The following RERE variants were observed in gnomAD, a reference collection of about 807,000 sequenced individuals.
The protein encoded by RERE is arginine-glutamic acid dipeptide repeats protein.
In RERE, 40 loss-of-function variants were observed where a neutral mutation model predicts 146.1. The observed-to-expected ratio is 0.27, with a 90% CI of 0.21 to 0.36. The LOEUF is 0.36. RERE is among the 10% of genes least tolerant of loss of function. The pLI, the probability that RERE is intolerant of heterozygous loss-of-function variation, is 1.00. For synonymous variants in RERE, 1,003 were observed against 866.0 expected (o/e 1.16, Z -2.78); for missense variants, 1,933 against 2,138.7 (o/e 0.90, Z 1.90).
At chr1:8,557,037 GAAA>G in intron 5 of RERE, among the ~76,000 whole-genome samples, 1 of 136,482 alleles carries the variant, frequency 7.3e-6, no homozygotes, top group South Asian at 2.3e-4. Context: ...TTCAAAGAAG[GAAA>G]AAAAAAAAAC....
intron 10 of RERE, among the ~76,000 whole-genome samples, chr1:8,479,852 G>T (rs182407333): frequency 3.3e-4 from 50 of 152,122 alleles, no homozygotes; most frequent in Non-Finnish European, 6.3e-4. Context: ...AAAAACTGGG[G>T]ATAAAAAATT....
rs977359991 is a variant in RERE, at chr1:8,360,371, G to C, written c.3136C>G (p.Pro1046Ala). The C allele has an allele frequency of 6.8e-7, 1 of 1,460,458 alleles. No homozygotes were observed. The highest frequency in any genetic ancestry group is 9.1e-7 in the Non-Finnish European group (1 of 1,104,458). The allele number at this position is 1,460,458 out of a possible 1,614,324, so 90.5% of individuals were successfully genotyped here. The part of the protein sequence containing the change: ...QHPFVPGGPP[P>A]ITPPTCPSTS... Reference sequence around the variant, plus strand: ...GAGGGGCAGGTCGGAGGGGTGATGGGAGGAGGGCCTCCAGGGACAAAGGGG... The same window carrying C: ...GAGGGGCAGGTCGGAGGGGTGATGGCAGGAGGGCCTCCAGGGACAAAGGGG... The change falls in exon 18 of 23, where the codon CCC becomes GCC. Residue 1046 changes from proline to alanine, a missense_variant. This residue lies in a region of RERE where 1,255 missense variants were observed against 1,153.8 expected (regional missense o/e 1.09). Transcript: ENST00000400908.
intron 1 of RERE, among the ~76,000 whole-genome samples, chr1:8,816,098 C>A (rs181003791): frequency 6.6e-6 from 1 of 152,228 alleles, no homozygotes; most frequent in East Asian, 1.9e-4. Flanking sequence ...ACTAAAAAGA[C>A]CAGTGTACAC....
chr1:8,567,790 G>A (rs548200139), intron 4 of RERE, among the ~76,000 whole-genome samples: 1 of 152,264 alleles, frequency 6.6e-6, no homozygotes, highest in Non-Finnish European at 1.5e-5. Flanking sequence ...AAACTACAAG[G>A]CTGGGTAACT....
intron 12 of RERE, among the ~76,000 whole-genome samples, chr1:8,397,354 C>T (rs779032140): frequency 7.9e-5 from 12 of 151,958 alleles, no homozygotes; most frequent in Non-Finnish European, 1.3e-4. Context: ...TCGACTTTCA[C>T]TACGACTCTG....
chr1:8,696,253 G>A (rs1410736650), intron 1 of RERE, among the ~76,000 whole-genome samples: 1 of 152,296 alleles, frequency 6.6e-6, no homozygotes, highest in East Asian at 1.9e-4. Flanking sequence ...GTTCATCACA[G>A]CGCTATACAC....
At chr1:8,721,794 TGGGTC>T (rs1639868956) in intron 1 of RERE, among the ~76,000 whole-genome samples, 1 of 152,206 alleles carries the variant, frequency 6.6e-6, no homozygotes, top group South Asian at 2.1e-4. Flanking sequence ...ATATGTAAGA[TGGGTC>T]CCTCAGTGCT....
At chr1:8,813,614 CTTT>C (rs34918730) in intron 1 of RERE, among the ~76,000 whole-genome samples, 16 of 121,140 alleles carry the variant, frequency 1.3e-4, no homozygotes, top group East Asian at 2.4e-4. Flanking sequence ...CTATTTTTTC[CTTT>C]TTTTTTTTTT....
At chr1:8,564,884 AAAAC>A (rs1646134628) in intron 4 of RERE, among the ~76,000 whole-genome samples, 1 of 122,564 alleles carries the variant, frequency 8.2e-6, no homozygotes, top group Non-Finnish European at 1.8e-5. Context: ...ATATATATAT[AAAAC>A]TACTATTCAG....
At position 8,617,567 on chromosome 1, in the gene RERE, G is replaced by A. The variant is rs541712636; in HGVS notation, c.397-2881C>T. Among the ~76,000 whole-genome samples, 378 of 152,252 alleles carry A rather than the reference G, an allele frequency of 2.5e-3. 2 individuals are homozygous for A. The highest frequency in any genetic ancestry group is 3.7e-3 in the Non-Finnish European group (252 of 68,032). On this transcript the variant is annotated intron_variant, in intron 3 of 22. Transcript: ENST00000400908. Reference sequence around the variant, plus strand: ...ATACTGACCTTTTTATATGGTACAAGCCAAGAAAGTAAAGAGAAGAAGGAG... The same window carrying A: ...ATACTGACCTTTTTATATGGTACAAACCAAGAAAGTAAAGAGAAGAAGGAG...
At chr1:8,444,879 G>T (rs1373243281) in intron 11 of RERE, among the ~76,000 whole-genome samples, 1 of 149,950 alleles carries the variant, frequency 6.7e-6, no homozygotes, top group Admixed American at 6.6e-5. Flanking sequence ...TGCTTGTACA[G>T]CCTATAGAAC....
intron 2 of RERE, among the ~76,000 whole-genome samples, chr1:8,654,301 G>T (rs768865285): frequency 6.6e-6 from 1 of 151,918 alleles, no homozygotes; most frequent in Non-Finnish European, 1.5e-5. Flanking sequence ...CTCTCAAAGT[G>T]CTGGGATTAC....
chr1:8,587,916 T>C (rs1392701407), intron 4 of RERE, among the ~76,000 whole-genome samples: 1 of 152,232 alleles, frequency 6.6e-6, no homozygotes, highest in Non-Finnish European at 1.5e-5. Flanking sequence ...AGCTCTGTTC[T>C]CTGCAGGGTA....
chr1:8,758,974 T>C (rs958425633), intron 1 of RERE, among the ~76,000 whole-genome samples: 4 of 152,112 alleles, frequency 2.6e-5, no homozygotes, highest in African/African-American at 9.7e-5. Context: ...ATTTAAAAAA[T>C]GGGATTATTC....
chr1:8,557,057 A>AT (rs1646016729), intron 5 of RERE, among the ~76,000 whole-genome samples: 1 of 151,314 alleles, frequency 6.6e-6, no homozygotes, highest in South Asian at 2.1e-4. Flanking sequence ...AAACAGAAAG[A>AT]TAAAAAAAGA....
At chr1:8,623,268 G>C (rs1439323000) in intron 3 of RERE, among the ~76,000 whole-genome samples, 1 of 152,104 alleles carries the variant, frequency 6.6e-6, no homozygotes, top group African/African-American at 2.4e-5. Context: ...CCAACATGGT[G>C]AAACCCTGTT....
intron 12 of RERE, among the ~76,000 whole-genome samples, chr1:8,417,592 T>C (rs1364099544): frequency 6.6e-6 from 1 of 152,164 alleles, no homozygotes. Context: ...AACTTTCAAG[T>C]CCCTATCTGT....
At chr1:8,489,117 G>T (rs2124210381) in intron 10 of RERE, among the ~76,000 whole-genome samples, 1 of 152,206 alleles carries the variant, frequency 6.6e-6, no homozygotes, top group South Asian at 2.1e-4. Context: ...GCTGAAGTGG[G>T]AAGATCACTT....
intron 6 of RERE, 84 bp downstream of exon 6, chr1:8,556,391 C>T (rs1570434017): frequency 2.4e-6 from 2 of 826,814 alleles, no homozygotes; most frequent in South Asian, 2.8e-5. Context: ...ACAGTGACTA[C>T]TAAAAGATCA....
Sources: gnomAD v4.1 joint callset for allele counts (sites outside exome capture counted in the v4.1 genomes callset) on GRCh38, gnomAD v4.1.1 for gene constraint, gnomAD v4.1.1 regional missense constraint, MANE v1.5 for transcripts, NCBI Gene and HGNC (gene_info 2026-07-23, HGNC 2026-07-21) for gene names.